The following CD28 variants were observed in gnomAD, a reference collection of about 807,000 sequenced individuals.
CD28 encodes the protein T-cell-specific surface glycoprotein CD28.
Under a neutral mutation model 21.4 loss-of-function variants are expected in CD28, and 8 were observed. The ratio of observed to expected loss-of-function variants is 0.37; its 90% CI spans 0.22 to 0.68. The LOEUF is 0.68. Ranked by LOEUF, CD28 falls within the 30% of genes least tolerant of loss-of-function variation. The probability of loss-of-function intolerance (pLI) is 0.55; values close to 1 mark genes in which losing one functional copy is unlikely to be tolerated. For missense variants in CD28, 239 were observed against 272.2 expected (o/e 0.88, Z 0.86); for synonymous variants, 106 against 104.0 (o/e 1.02, Z -0.12).
intron 2 of CD28, among the ~76,000 whole-genome samples, 160 bp downstream of exon 2, chr2:203,727,149 A>T (rs1178195456): frequency 2.0e-5 from 3 of 152,208 alleles, no homozygotes; most frequent in African/African-American, 7.2e-5. Context: ...CCTTTACTGT[A>T]GAGGAGATTC....
intron 1 of CD28, among the ~76,000 whole-genome samples, chr2:203,718,864 C>T (rs1415574476): frequency 6.6e-6 from 1 of 152,176 alleles, no homozygotes; most frequent in Non-Finnish European, 1.5e-5. Flanking sequence ...TATGTTCAAT[C>T]CCTTTTGTAT....
At chr2:203,728,521 A>G (rs1314265632) in intron 2 of CD28, among the ~76,000 whole-genome samples, 1 of 152,224 alleles carries the variant, frequency 6.6e-6, no homozygotes, top group Non-Finnish European at 1.5e-5. Flanking sequence ...GAACAGAGCC[A>G]TGCTGATGAA....
intron 3 of CD28, among the ~76,000 whole-genome samples, chr2:203,732,095 A>G (rs1413656871): frequency 6.6e-6 from 1 of 152,148 alleles, no homozygotes; most frequent in Non-Finnish European, 1.5e-5. Flanking sequence ...GCCATTATGG[A>G]TCCCTGGAGT....
At chr2:203,721,736 T>G (rs992416297) in intron 1 of CD28, among the ~76,000 whole-genome samples, 1 of 152,182 alleles carries the variant, frequency 6.6e-6, no homozygotes, top group African/African-American at 2.4e-5. Flanking sequence ...ACTGTGTCAC[T>G]ATGTTTAAAG....
At chr2:203,734,638 A>G in intron 3 of CD28, 146 bp from the exon 4 acceptor site, 2 of 896,176 alleles carry the variant, frequency 2.2e-6, no homozygotes, top group Non-Finnish European at 3.6e-6. Flanking sequence ...GTGATTAGTC[A>G]TTACCCAAGT....
At chr2:203,714,811 C>T (rs972164707) in intron 1 of CD28, among the ~76,000 whole-genome samples, 21 of 152,076 alleles carry the variant, frequency 1.4e-4, no homozygotes, top group African/African-American at 4.8e-4. Flanking sequence ...CTCTGAAATC[C>T]CTTGCAGGGA....
rs1694036898 is a variant in CD28 at position 203,736,369 on chromosome 2, A to G, written c.*1457A>G. ...AGGTGACAATCTTCCAGAAGTGGTC[A>G]GGCAGAAGGTGCCCTGGTGAGAGCT... On this transcript the variant is annotated 3_prime_UTR_variant, in exon 4 of 4. Transcript: ENST00000324106. 6.5e-6 allele frequency: 1 copy of G among 152,696 alleles called. No homozygotes were observed. The highest frequency in any genetic ancestry group is 6.5e-5 in the Admixed American group (1 of 15,284). 9.5% of individuals were successfully genotyped at this position (152,696 alleles called of 1,614,324 possible).
At chr2:203,717,386 C>T (rs765024841) in intron 1 of CD28, among the ~76,000 whole-genome samples, 1 of 152,194 alleles carries the variant, frequency 6.6e-6, no homozygotes, top group Non-Finnish European at 1.5e-5. Flanking sequence ...CTCCACTACA[C>T]AACTCTCTTG....
At chr2:203,713,080 G>A (rs189266340) in intron 1 of CD28, among the ~76,000 whole-genome samples, 1 of 152,200 alleles carries the variant, frequency 6.6e-6, no homozygotes, top group Non-Finnish European at 1.5e-5. Context: ...GAAGGAAAAG[G>A]TGGATTAATA....
rs1693996060 is a variant in CD28 at position 203,735,038 on chromosome 2, A to G, written c.*126A>G. The G allele has an allele frequency of 6.3e-6, 7 of 1,107,304 alleles. No individual in the cohort carries two copies. The highest frequency in any genetic ancestry group is 3.1e-5 in the South Asian group (2 of 65,322). The allele number at this position is 1,107,304 out of a possible 1,614,324, so 68.6% of individuals were successfully genotyped here. A position where few individuals can be genotyped will look rare whatever the true frequency, so the allele number is the denominator to read the frequency against. Reference sequence around the variant, plus strand: ...GGCCCCTGTTGGGCCACCAATGCCAATTTTTCTCGAGTGACTAGACCAAAT... The same window carrying G: ...GGCCCCTGTTGGGCCACCAATGCCAGTTTTTCTCGAGTGACTAGACCAAAT... On this transcript the variant is annotated 3_prime_UTR_variant, in exon 4 of 4. Coordinates refer to ENST00000324106, the MANE Select transcript of CD28 (RefSeq NM_006139.4).
intron 1 of CD28, among the ~76,000 whole-genome samples, chr2:203,710,014 G>A (rs1693267749): frequency 6.6e-6 from 1 of 152,164 alleles, no homozygotes; most frequent in Non-Finnish European, 1.5e-5. Context: ...AATTTTATTT[G>A]TACTCTAGTC....
Position 203,735,129 on chromosome 2 carries a change from A to G in CD28, c.*217A>G. The G allele has an allele frequency of 3.5e-6, 2 of 578,636 alleles. No homozygotes were observed. The highest frequency in any genetic ancestry group is 2.2e-5 in the South Asian group (1 of 45,914). 35.8% of individuals were successfully genotyped at this position (578,636 alleles called of 1,614,324 possible). On this transcript the variant is annotated 3_prime_UTR_variant, in exon 4 of 4. Coordinates refer to ENST00000324106, the MANE Select transcript of CD28 (RefSeq NM_006139.4). ...TTTCCTGTGACAGGCCAAGTCTTAC[A>G]GTGCCATGGCCCACATTCCAACTTA...
At chr2:203,719,172 T>C (rs906440955) in intron 1 of CD28, among the ~76,000 whole-genome samples, 1 of 152,238 alleles carries the variant, frequency 6.6e-6, no homozygotes, top group Non-Finnish European at 1.5e-5. Context: ...CCTAGATGTC[T>C]AAATAAATAA....
rs534644096 is a variant in CD28, at chr2:203,722,652, G to A, written c.53-3981G>A. Among the ~76,000 whole-genome samples the A allele has an allele frequency of 7.9e-5, 12 of 152,352 alleles. No homozygotes were observed. The South Asian group carries it at 2.5e-3, about 32-fold the overall frequency. On this transcript the variant is annotated intron_variant, in intron 1 of 3. Transcript: ENST00000324106. ...TGGAAACCAGGGGCCTAAGGGAAATGCACATGAATCCAAAGCTAAGCAAAT... is the reference window on the plus strand; with the variant it reads ...TGGAAACCAGGGGCCTAAGGGAAATACACATGAATCCAAAGCTAAGCAAAT...
At position 203,729,723 on chromosome 2, in the gene CD28, T is replaced by C; in HGVS notation, c.485T>C (p.Val162Ala). ...PFWVLVVVGG[V>A]LACYSLLVTV... Reference sequence around the variant, plus strand: ...TGGGTGCTGGTGGTGGTTGGTGGAGTCCTGGCTTGCTATAGCTTGCTAGTA... The same window carrying C: ...TGGGTGCTGGTGGTGGTTGGTGGAGCCCTGGCTTGCTATAGCTTGCTAGTA... The change falls in exon 3 of 4, where the codon GTC becomes GCC. Residue 162 changes from valine to alanine, a missense_variant. By Grantham distance (64) the Val-to-Ala change is moderately conservative. Coordinates refer to ENST00000324106, the MANE Select transcript of CD28 (RefSeq NM_006139.4). 1 of 1,614,072 alleles carries C rather than the reference T, an allele frequency of 6.2e-7. No homozygotes were observed. The highest frequency in any genetic ancestry group is 8.5e-7 in the Non-Finnish European group (1 of 1,179,952).
intron 1 of CD28, among the ~76,000 whole-genome samples, chr2:203,714,351 G>T (rs1217924359): frequency 6.6e-6 from 1 of 152,048 alleles, no homozygotes; most frequent in East Asian, 1.9e-4. Flanking sequence ...AGGGTCACAG[G>T]GTTCAAACCA....
intron 1 of CD28, among the ~76,000 whole-genome samples, chr2:203,708,749 G>T (rs1415690970): frequency 6.6e-6 from 1 of 152,202 alleles, no homozygotes; most frequent in African/African-American, 2.4e-5. Flanking sequence ...TAATGAAGAA[G>T]GAAAGAGATG....
At chr2:203,719,911 C>T (rs1382257059) in intron 1 of CD28, among the ~76,000 whole-genome samples, 3 of 152,094 alleles carry the variant, frequency 2.0e-5, no homozygotes, top group Non-Finnish European at 4.4e-5. Context: ...GAGGTGGTTA[C>T]CACCCCACCT....
rs559856875 is a variant in CD28 at position 203,733,852 on chromosome 2, ATGCCCCTT to A, written c.535-929_535-922del. Among the ~76,000 whole-genome samples, 77 of 152,354 alleles carry A rather than the reference ATGCCCCTT, an allele frequency of 5.1e-4. 2 individuals carry two copies. The highest frequency in any genetic ancestry group is 4.8e-3 in the East Asian group (25 of 5,192). ...TCAAACCTTTCTTTAGCACTTACTC[ATGCCCCTT>A]TGACAAGGAAGGTGTGAAGTGCTCA... On this transcript the variant is annotated intron_variant, in intron 3 of 3. Coordinates refer to ENST00000324106, the MANE Select transcript of CD28 (RefSeq NM_006139.4).
Sources: allele counts gnomAD v4.1 joint callset (sites outside exome capture counted in the v4.1 genomes callset), GRCh38; gene constraint gnomAD v4.1.1; transcripts MANE v1.5; gene names NCBI Gene and HGNC (gene_info 2026-07-23, HGNC 2026-07-21).